The following GLIS3 variants were observed in gnomAD, a reference collection of about 807,000 sequenced individuals.
The protein encoded by GLIS3 is GLIS family zinc finger 3.
In GLIS3, 53 loss-of-function variants were observed where a neutral mutation model predicts 78.6. The observed-to-expected ratio is 0.67, with a 90% CI of 0.54 to 0.85. GLIS3 has a LOEUF of 0.85. Among genes scored for constraint, GLIS3 ranks in the 40% least tolerant of loss-of-function variants. The probability of loss-of-function intolerance (pLI) is 0.00; values close to 1 mark genes in which losing one functional copy is unlikely to be tolerated. For missense variants in GLIS3, 1,703 were observed against 1,231.1 expected (o/e 1.38, Z -5.74); for synonymous variants, 684 against 509.9 (o/e 1.34, Z -4.60).
rs180706394 is a variant in GLIS3, at chr9:4,101,981, A to G, written c.1710+15787T>C. Reference sequence around the variant, plus strand: ...ACCACACATTTTCTGTATATTTTCCATATATTATGGTTTTAATATCAATGC... The same window carrying G: ...ACCACACATTTTCTGTATATTTTCCGTATATTATGGTTTTAATATCAATGC... On this transcript the variant is annotated intron_variant, in intron 4 of 10. Transcript: ENST00000381971. Among the ~76,000 whole-genome samples, 147 of 152,322 alleles carry G rather than the reference A, an allele frequency of 9.7e-4. 1 individual carries two copies. The highest frequency in any genetic ancestry group is 3.7e-3 in the Admixed American group (56 of 15,290).
At chr9:4,041,086 A>G (rs1295405935) in intron 4 of GLIS3, among the ~76,000 whole-genome samples, 1 of 152,242 alleles carries the variant, frequency 6.6e-6, no homozygotes, top group African/African-American at 2.4e-5. Flanking sequence ...TACACAGGAC[A>G]TCTGCAAGGC....
At chr9:4,418,280 C>T in the GLIS3 span, among the ~76,000 whole-genome samples, 2 of 151,926 alleles carry the variant, frequency 1.3e-5, no homozygotes, top group Admixed American at 6.6e-5. Context: ...AAAAAAGAGA[C>T]TGGGCTTTAA....
intron 4 of GLIS3, among the ~76,000 whole-genome samples, chr9:3,994,035 C>G (rs894381049): frequency 6.6e-6 from 1 of 152,180 alleles, no homozygotes; most frequent in Non-Finnish European, 1.5e-5. Flanking sequence ...TGCGTCCCAC[C>G]CTCAGAGTTT....
rs1040184692 is a variant in GLIS3, at chr9:3,867,613, A to G, written c.2298-11429T>C. Among the ~76,000 whole-genome samples the G allele has an allele frequency of 9.2e-5, 14 of 152,216 alleles. 1 individual carries two copies. Among genetic ancestry groups the G allele is most frequent in the African/African-American group, 3.4e-4 (14 of 41,448 alleles). ...CAACCTTTTCTAATCTAAAACCCAAAGCTTTCATCTCCATTTTCAAAAATA... is the reference window on the plus strand; with the variant it reads ...CAACCTTTTCTAATCTAAAACCCAAGGCTTTCATCTCCATTTTCAAAAATA... On this transcript the variant is annotated intron_variant, in intron 8 of 10. Transcript: ENST00000381971.
At chr9:4,041,873 T>G (rs1824839846) in intron 4 of GLIS3, among the ~76,000 whole-genome samples, 1 of 152,192 alleles carries the variant, frequency 6.6e-6, no homozygotes. Flanking sequence ...TCTTAGTGAT[T>G]ATGCTTCTGT....
chr9:3,991,836 G>C (rs376251308), intron 4 of GLIS3, among the ~76,000 whole-genome samples: 2 of 151,740 alleles, frequency 1.3e-5, no homozygotes, highest in Non-Finnish European at 2.9e-5. Flanking sequence ...GACTACAGGC[G>C]CCTGCAACCA....
intron 2 of GLIS3, among the ~76,000 whole-genome samples, chr9:4,181,115 T>G (rs1046744928): frequency 6.6e-6 from 1 of 152,180 alleles, no homozygotes; most frequent in Non-Finnish European, 1.5e-5. Flanking sequence ...GCCAGCCAGC[T>G]CCTCAGAATG....
intron 2 of GLIS3, among the ~76,000 whole-genome samples, chr9:4,206,339 G>A (rs975481795): frequency 2.0e-5 from 3 of 152,168 alleles, no homozygotes; most frequent in Non-Finnish European, 4.4e-5. Flanking sequence ...CTAAAAGACT[G>A]GCTTACACAG....
At chr9:4,443,586 G>A in the GLIS3 span, among the ~76,000 whole-genome samples, 1 of 152,212 alleles carries the variant, frequency 6.6e-6, no homozygotes, top group Non-Finnish European at 1.5e-5. Context: ...AGCAATGATG[G>A]AAGAGAAAGT....
chr9:4,000,307 C>T (rs2129905979), intron 4 of GLIS3, among the ~76,000 whole-genome samples: 1 of 152,030 alleles, frequency 6.6e-6, no homozygotes, highest in Middle Eastern at 3.4e-3. Flanking sequence ...TTTAAGGATG[C>T]CTATATGTGT....
intron 3 of GLIS3, among the ~76,000 whole-genome samples, chr9:4,121,688 T>G (rs1332253185): frequency 6.7e-6 from 1 of 150,296 alleles, no homozygotes. Flanking sequence ...GAAATACAAG[T>G]GAAGCTGTGC....
intron 2 of GLIS3, among the ~76,000 whole-genome samples, chr9:4,328,187 C>T (rs1474316840): frequency 1.3e-5 from 2 of 152,260 alleles, no homozygotes; most frequent in East Asian, 3.9e-4. Flanking sequence ...TGCCCCAAGA[C>T]CCGAGACTGA....
intron 4 of GLIS3, among the ~76,000 whole-genome samples, chr9:4,073,625 T>C (rs1300498012): frequency 6.6e-6 from 1 of 152,168 alleles, no homozygotes; most frequent in East Asian, 1.9e-4. Context: ...CGGATGTTGC[T>C]GTCCTATCAT....
chr9:3,855,971 C>A, intron 9 of GLIS3, 38 bp downstream of exon 9: 1 of 1,610,136 alleles, frequency 6.2e-7, no homozygotes. Context: ...CACAATGTCA[C>A]TTTTCAAAAC....
intron 1 of GLIS3, among the ~76,000 whole-genome samples, chr9:4,292,341 C>CTA (rs1816066055): frequency 6.6e-6 from 1 of 152,060 alleles, no homozygotes; most frequent in South Asian, 2.1e-4. Flanking sequence ...GTGGGTATAC[C>CTA]TATCTGCCCA....
chr9:4,333,139 C>T (rs555595021), intron 2 of GLIS3, among the ~76,000 whole-genome samples: 1 of 152,084 alleles, frequency 6.6e-6, no homozygotes, highest in African/African-American at 2.4e-5. Flanking sequence ...CCTAGCTACT[C>T]AGAAGGCTGA....
the GLIS3 span, among the ~76,000 whole-genome samples, chr9:4,463,734 G>A: frequency 6.6e-6 from 1 of 152,170 alleles, no homozygotes; most frequent in African/African-American, 2.4e-5. Flanking sequence ...TTTTGTCTGA[G>A]CTATTGTCTC....
chr9:4,200,435 G>A (rs896415560), intron 2 of GLIS3, among the ~76,000 whole-genome samples: 4 of 151,916 alleles, frequency 2.6e-5, no homozygotes, highest in Non-Finnish European at 2.9e-5. Context: ...AAAAAACAGA[G>A]AAGATCCAAA....
chr9:4,367,660 T>G, the GLIS3 span, among the ~76,000 whole-genome samples: 1 of 119,634 alleles, frequency 8.4e-6, no homozygotes, highest in African/African-American at 3.4e-5. Flanking sequence ...AAAAAAAAAG[T>G]TCTCTATGTG....
Sources: gnomAD v4.1 joint callset for allele counts (sites outside exome capture counted in the v4.1 genomes callset) on GRCh38, gnomAD v4.1.1 for gene constraint, MANE v1.5 for transcripts, NCBI Gene and HGNC (gene_info 2026-07-23, HGNC 2026-07-21) for gene names.